PTPRG: variants seen among roughly 807,000 people sequenced by gnomAD.
PTPRG encodes protein tyrosine phosphatase receptor type G, also known as receptor-type tyrosine-protein phosphatase gamma.
Under a neutral mutation model 165.3 loss-of-function variants are expected in PTPRG, and 102 were observed. The ratio of observed to expected loss-of-function variants is 0.62; its 90% confidence interval spans 0.53 to 0.73. The LOEUF (loss-of-function observed/expected upper bound fraction) is 0.73. Ranked by LOEUF, PTPRG falls within the 30% of genes least tolerant of loss-of-function variation. The pLI is 0.00. For missense variants in PTPRG, 1,866 were observed against 1,861.4 expected (o/e 1.00, Z -0.05); for synonymous variants, 675 against 669.5 (o/e 1.01, Z -0.13).
chr3:62,142,319 T>A (rs1004927619), intron 6 of PTPRG, among the ~76,000 whole-genome samples: 2 of 151,998 alleles, frequency 1.3e-5, no homozygotes, highest in Admixed American at 1.3e-4. Flanking sequence ...AAAATGAGGA[T>A]GGTGGTGACT....
chr3:61,646,878 A>G lies in PTPRG; in HGVS notation c.85+84506A>G, dbSNP rs1306987699. Among the ~76,000 whole-genome samples, 4 of 152,222 alleles carry G rather than the reference A, an allele frequency of 2.6e-5. No homozygotes were observed. The East Asian group carries it at 7.7e-4, about 29-fold the overall frequency. On this transcript the variant is annotated intron_variant, in intron 1 of 29. Coordinates refer to ENST00000474889, the MANE Select transcript of PTPRG (RefSeq NM_002841.4). ...CATTATATAAAGGAAATCATACGGTACATAACCTTTTGGTGCTGGCTTGCT... is the reference window on the plus strand; with the variant it reads ...CATTATATAAAGGAAATCATACGGTGCATAACCTTTTGGTGCTGGCTTGCT...
intron 2 of PTPRG, among the ~76,000 whole-genome samples, chr3:61,942,156 TAAA>T (rs72243584): frequency 9.3e-5 from 12 of 128,604 alleles, no homozygotes; most frequent in Non-Finnish European, 1.0e-4. Context: ...AGACTCTGTC[TAAA>T]AAAAAAAAAA....
rs1284736169 is a variant in PTPRG at position 61,930,937 on chromosome 3, C to T, written c.191-58688C>T. On this transcript the variant is annotated intron_variant, in intron 2 of 29. Transcript: ENST00000474889. Reference sequence around the variant, plus strand: ...TACAGAAATTAGCCGGGCATGGTGGCGCACCTGTAGTCCCAGCTACTCGGG... The same window carrying T: ...TACAGAAATTAGCCGGGCATGGTGGTGCACCTGTAGTCCCAGCTACTCGGG... Among the ~76,000 whole-genome samples the T allele has an allele frequency of 6.6e-5, 10 of 152,060 alleles. 1 individual carries two copies. Among genetic ancestry groups the T allele is most frequent in the East Asian group, 1.9e-4 (1 of 5,174 alleles).
At chr3:62,057,674 T>G (rs2106676660) in intron 4 of PTPRG, among the ~76,000 whole-genome samples, 1 of 152,250 alleles carries the variant, frequency 6.6e-6, no homozygotes, top group South Asian at 2.1e-4. Context: ...GATCTAACAG[T>G]GCTGATGTAT....
intron 6 of PTPRG, among the ~76,000 whole-genome samples, chr3:62,133,591 G>A (rs377719333): frequency 2.0e-5 from 3 of 152,284 alleles, no homozygotes; most frequent in South Asian, 2.1e-4. Flanking sequence ...TAATTGTTCC[G>A]TTCTCAAAAT....
intron 2 of PTPRG, among the ~76,000 whole-genome samples, chr3:61,795,639 C>CAAAAAAA (rs145136197): frequency 2.2e-4 from 13 of 59,462 alleles, no homozygotes; most frequent in African/African-American, 6.1e-4. Flanking sequence ...GACTCCGTCT[C>CAAAAAAA]AAAAAAAAAA....
In PTPRG at chr3:62,195,233, C is replaced by A; in HGVS notation, c.1327+63C>A. ...TGAGACTCCCTCCCAATGCTTTCTG[C>A]TTCTTCCTGCTCAGGTGCTGGGGAA... On this transcript the variant is annotated intron_variant, in intron 10 of 29. Transcript: ENST00000474889. The surrounding 1 kb of genome is among the most constrained non-coding windows in gnomAD (Gnocchi z 4.4). 3 of 1,386,866 alleles carry A rather than the reference C, an allele frequency of 2.2e-6. No homozygotes were observed. The highest frequency in any genetic ancestry group is 3.1e-6 in the Non-Finnish European group (3 of 973,878). 85.9% of individuals were successfully genotyped at this position (1,386,866 alleles called of 1,614,324 possible).
At chr3:62,081,404 G>A (rs1444931128) in intron 5 of PTPRG, among the ~76,000 whole-genome samples, 4 of 152,156 alleles carry the variant, frequency 2.6e-5, no homozygotes, top group Non-Finnish European at 2.9e-5. Flanking sequence ...GTGTAGTGGT[G>A]CAATTATGGC....
intron 4 of PTPRG, among the ~76,000 whole-genome samples, chr3:62,069,682 T>A (rs62243350): frequency 0.86 from 123,708 of 144,226 alleles, 52,429 homozygotes; most frequent in Non-Finnish European, 0.87. Context: ...TCTCTCTCTC[T>A]CTCACACACA....
At chr3:61,585,156 C>T (rs1025893768) in intron 1 of PTPRG, among the ~76,000 whole-genome samples, 1 of 151,768 alleles carries the variant, frequency 6.6e-6, no homozygotes, top group African/African-American at 2.4e-5. Context: ...TGTCTGGCAC[C>T]TGTAGTCCCA....
intron 1 of PTPRG, among the ~76,000 whole-genome samples, chr3:61,566,555 T>G (rs986711934): frequency 6.6e-6 from 1 of 152,242 alleles, no homozygotes; most frequent in African/African-American, 2.4e-5. Context: ...TCACCCAGGC[T>G]GGAGTGCAGT....
Position 61,716,745 on chromosome 3 carries a change from G to A in PTPRG, c.86-32133G>A, listed in dbSNP as rs545102465. 3.9e-5 allele frequency among the ~76,000 whole-genome samples: 6 copies of A among 152,234 alleles called. No homozygotes were observed. In the East Asian group the frequency reaches 1.2e-3, roughly 29 times the overall value. ...CCTAGCACTTTGGAAGGCCGAGGTG[G>A]GTGGGTCACGAGGTCAGGAGTTCAA... On this transcript the variant is annotated intron_variant, in intron 1 of 29. Transcript: ENST00000474889.
chr3:62,207,405 A>G (rs774000060), intron 12 of PTPRG, among the ~76,000 whole-genome samples: 7 of 152,188 alleles, frequency 4.6e-5, no homozygotes, highest in Non-Finnish European at 1.0e-4. Flanking sequence ...ACATCAGTCA[A>G]TGATCCTTCA....
chr3:61,961,321 T>G (rs561692405), intron 2 of PTPRG, among the ~76,000 whole-genome samples: 3 of 152,304 alleles, frequency 2.0e-5, no homozygotes, highest in East Asian at 3.9e-4. Context: ...CCTTTAGGGT[T>G]GAAGTATTAG....
intron 1 of PTPRG, among the ~76,000 whole-genome samples, chr3:61,632,118 A>G (rs1475424910): frequency 6.6e-6 from 1 of 152,212 alleles, no homozygotes; most frequent in Non-Finnish European, 1.5e-5. Context: ...CAGCCTTGGC[A>G]ACATGGCTAA....
intron 2 of PTPRG, among the ~76,000 whole-genome samples, chr3:61,922,240 C>G (rs111860733): frequency 0.011 from 1,639 of 152,310 alleles, 30 homozygotes; most frequent in African/African-American, 0.037. Flanking sequence ...ACAAGTAATT[C>G]TGGAAAGCAT....
chr3:61,763,201 G>A (rs963513097), intron 2 of PTPRG, among the ~76,000 whole-genome samples: 13 of 151,872 alleles, frequency 8.6e-5, no homozygotes, highest in African/African-American at 2.9e-4. Flanking sequence ...AATATAGCCC[G>A]TGTGGCTGCT....
intron 1 of PTPRG, among the ~76,000 whole-genome samples, chr3:61,722,349 C>T (rs575886685): frequency 1.3e-5 from 2 of 152,296 alleles, no homozygotes; most frequent in African/African-American, 2.4e-5. Flanking sequence ...TCATTAGGCT[C>T]TACCTCTCAA....
At chr3:61,706,346 T>C (rs184309642) in intron 1 of PTPRG, among the ~76,000 whole-genome samples, 77 of 152,166 alleles carry the variant, frequency 5.1e-4, no homozygotes, top group African/African-American at 1.8e-3. Context: ...GGAACATATA[T>C]AGTGAGATAA....
Sources: allele counts gnomAD v4.1 joint callset (sites outside exome capture counted in the v4.1 genomes callset), GRCh38; gene constraint gnomAD v4.1.1; non-coding constraint Gnocchi (gnomAD v3.1); transcripts MANE v1.5; gene names NCBI Gene and HGNC (gene_info 2026-07-23, HGNC 2026-07-21).